Variants in MEGF11 observed in about 807,000 individuals in gnomAD.
MEGF11 encodes multiple EGF like domains 11.
A neutral mutation model predicts 146.6 loss-of-function variants in MEGF11; 126 were observed. The observed-to-expected ratio is 0.86, with a 90% confidence interval of 0.74 to 1.00. MEGF11 has a LOEUF of 1.00. MEGF11 is among the 50% of genes least tolerant of loss of function. MEGF11 has a pLI of 0.00. For synonymous variants in MEGF11, 532 were observed against 583.4 expected (o/e 0.91, Z 1.27); for missense variants, 1,509 against 1,521.2 (o/e 0.99, Z 0.13).
intron 5 of MEGF11, among the ~76,000 whole-genome samples, chr15:66,088,083 G>A (rs1173903364): frequency 5.3e-5 from 8 of 152,032 alleles, no homozygotes; most frequent in Non-Finnish European, 1.2e-4. Context: ...TAGAAGCGAC[G>A]GATAAATTCC....
chr15:65,988,435 G>A (rs558150947), intron 5 of MEGF11, among the ~76,000 whole-genome samples: 13 of 152,310 alleles, frequency 8.5e-5, no homozygotes, highest in African/African-American at 3.1e-4. Context: ...GTTGTAGCCT[G>A]TATCAGGACT....
intron 1 of MEGF11, among the ~76,000 whole-genome samples, chr15:66,177,572 T>A (rs796655972): frequency 6.6e-6 from 1 of 152,288 alleles, no homozygotes; most frequent in African/African-American, 2.4e-5. Flanking sequence ...TGTTTTTGTT[T>A]TTTTTTAACT....
chr15:66,098,872 G>A (rs2086661090), intron 4 of MEGF11, among the ~76,000 whole-genome samples: 1 of 152,182 alleles, frequency 6.6e-6, no homozygotes, highest in African/African-American at 2.4e-5. Context: ...GAGTCACCAA[G>A]GGGAATTCTA....
At chr15:66,011,567 G>A (rs1161117047) in intron 5 of MEGF11, among the ~76,000 whole-genome samples, 3 of 152,038 alleles carry the variant, frequency 2.0e-5, no homozygotes, top group South Asian at 2.1e-4. Context: ...CAAGTCACTC[G>A]GGCAAGTCGC....
chr15:66,045,493 G>T (rs1279182575), intron 5 of MEGF11, among the ~76,000 whole-genome samples: 1 of 152,142 alleles, frequency 6.6e-6, no homozygotes, highest in Admixed American at 6.5e-5. Flanking sequence ...GGACCCCTTG[G>T]CTCAGCATCT....
chr15:66,043,439 G>A (rs143540433), intron 5 of MEGF11, among the ~76,000 whole-genome samples: 123 of 152,400 alleles, frequency 8.1e-4, no homozygotes, highest in African/African-American at 2.8e-3. Flanking sequence ...TGTCTGGGCA[G>A]AAGCCACGAT....
At chr15:66,096,007 G>T (rs940821216) in intron 4 of MEGF11, among the ~76,000 whole-genome samples, 3 of 152,168 alleles carry the variant, frequency 2.0e-5, no homozygotes, top group East Asian at 1.9e-4. Flanking sequence ...GGCTCCCCCT[G>T]TTCTCACTGG....
chr15:66,125,663 A>G lies in MEGF11; in HGVS notation c.99-1663T>C, dbSNP rs937904431. Among the ~76,000 whole-genome samples the G allele has an allele frequency of 4.6e-5, 7 of 152,244 alleles. No individual in the cohort carries two copies. In the South Asian group the frequency reaches 1.4e-3, roughly 32 times the overall value. On this transcript the variant is annotated intron_variant, in intron 2 of 25. Transcript: ENST00000395614. ...GTGGGAAAATAAAACGAGATACACT[A>G]TACACGTAACATGCTTAAACAGTAA...
intron 10 of MEGF11, among the ~76,000 whole-genome samples, chr15:65,941,791 G>C (rs1596876739): frequency 6.6e-6 from 1 of 152,218 alleles, no homozygotes; most frequent in African/African-American, 2.4e-5. Flanking sequence ...CACAGTATAT[G>C]CATGATGGCC....
At chr15:66,200,063 A>T (rs1210470781) in intron 1 of MEGF11, among the ~76,000 whole-genome samples, 2 of 152,256 alleles carry the variant, frequency 1.3e-5, no homozygotes, top group Non-Finnish European at 2.9e-5. Flanking sequence ...ATACGGTATA[A>T]CCTCAACTAT....
chr15:66,165,897 G>A (rs977097091), intron 1 of MEGF11, among the ~76,000 whole-genome samples: 5 of 152,124 alleles, frequency 3.3e-5, no homozygotes, highest in South Asian at 2.1e-4. Context: ...AGGACAGACC[G>A]TGCCCACAGC....
chr15:66,092,745 C>T (rs1349188774), intron 5 of MEGF11, among the ~76,000 whole-genome samples: 1 of 152,198 alleles, frequency 6.6e-6, no homozygotes, highest in African/African-American at 2.4e-5. Context: ...AACACAGTTG[C>T]ACTCACTGGT....
At chr15:65,921,432 C>G (rs12441403) in intron 15 of MEGF11, among the ~76,000 whole-genome samples, 4 of 152,182 alleles carry the variant, frequency 2.6e-5, no homozygotes, top group Admixed American at 2.6e-4. Context: ...TGTAGCATGC[C>G]CATGTCTCTG....
intron 1 of MEGF11, among the ~76,000 whole-genome samples, chr15:66,158,885 A>G (rs2089855581): frequency 6.6e-6 from 1 of 152,196 alleles, no homozygotes; most frequent in Non-Finnish European, 1.5e-5. Flanking sequence ...AATATCTCAA[A>G]GTCCTCCATG....
At chr15:65,916,596 AC>A (rs1567155026) in intron 17 of MEGF11, 2 of 770,202 alleles carry the variant, frequency 2.6e-6, no homozygotes, top group African/African-American at 3.4e-5. Flanking sequence ...TTGCTGGAGT[AC>A]CTTGCAGCCC....
At chr15:66,148,166 T>C (rs1037650274) in intron 1 of MEGF11, among the ~76,000 whole-genome samples, 1 of 152,008 alleles carries the variant, frequency 6.6e-6, no homozygotes, top group Non-Finnish European at 1.5e-5. Flanking sequence ...ATACAAAGGA[T>C]ACATGGCAAA....
intron 4 of MEGF11, among the ~76,000 whole-genome samples, chr15:66,105,036 G>A (rs995519869): frequency 6.6e-6 from 1 of 152,088 alleles, no homozygotes; most frequent in Non-Finnish European, 1.5e-5. Flanking sequence ...TGGGGCTGAA[G>A]ACCTCAACTA....
chr15:66,194,294 G>A (rs746630772), intron 1 of MEGF11, among the ~76,000 whole-genome samples: 28 of 152,270 alleles, frequency 1.8e-4, no homozygotes, highest in Middle Eastern at 3.4e-3. Flanking sequence ...GAGCTAAGCT[G>A]TGAGGACACA....
chr15:66,236,442 A>T (rs1018405965), intron 1 of MEGF11, among the ~76,000 whole-genome samples: 3 of 152,180 alleles, frequency 2.0e-5, no homozygotes, highest in African/African-American at 7.2e-5. Flanking sequence ...AAAAGACATC[A>T]CAGGCAAAAG....
Sources: allele counts gnomAD v4.1 joint callset (sites outside exome capture counted in the v4.1 genomes callset), GRCh38; gene constraint gnomAD v4.1.1; transcripts MANE v1.5; gene names NCBI Gene and HGNC (gene_info 2026-07-23, HGNC 2026-07-21).